The following SPEF2 variants were observed in gnomAD, a reference collection of about 807,000 sequenced individuals.
SPEF2 encodes the protein sperm flagella and cilia-associated protein 2.
A neutral mutation model predicts 224.6 loss-of-function variants in SPEF2; 187 were observed. That is an observed-to-expected ratio of 0.83 (90% confidence interval 0.74 to 0.94). SPEF2 has a LOEUF of 0.94. Among genes scored for constraint, SPEF2 ranks in the 40% least tolerant of loss-of-function variants. SPEF2 has a pLI of 0.00. For missense variants in SPEF2, 2,170 were observed against 2,135.6 expected (o/e 1.02, Z -0.32); for synonymous variants, 715 against 707.3 (o/e 1.01, Z -0.17).
chr5:35,716,248 G>A lies in SPEF2; in HGVS notation c.2914+3362G>A, dbSNP rs139454070. On this transcript the variant is annotated intron_variant, in intron 20 of 36. Transcript: ENST00000356031. ...TTGTATAACTAGAGCTAATTGGTGA[G>A]TTAACACTGAGATAAAAGTTTTAGT... is the stretch of plus-strand genomic sequence containing the variant. Among the ~76,000 whole-genome samples the A allele has an allele frequency of 2.3e-3, 344 of 152,082 alleles. 6 individuals are homozygous for A. Among genetic ancestry groups the A allele is most frequent in the Admixed American group, 0.02 (307 of 15,272 alleles).
chr5:35,747,646 CA>C (rs1429832437), intron 23 of SPEF2, among the ~76,000 whole-genome samples: 1 of 152,084 alleles, frequency 6.6e-6, no homozygotes, highest in Non-Finnish European at 1.5e-5. Context: ...CAATCCTAAA[CA>C]TATATGCACC....
At chr5:35,624,477 A>G (rs1743950962) in intron 1 of SPEF2, among the ~76,000 whole-genome samples, 1 of 152,192 alleles carries the variant, frequency 6.6e-6, no homozygotes, top group Non-Finnish European at 1.5e-5. Context: ...GGTGTCCTGA[A>G]ATTAGTCATA....
rs1755802997 is a variant in SPEF2 at position 35,790,529 on chromosome 5, TAC to T, written c.4448-1809_4448-1808del. ...AAAGGCATTTGGCTTCTTCCAAACATACAGAGTAAAAAGCCCAAGATTGTTTC... is the reference window on the plus strand; with the variant it reads ...AAAGGCATTTGGCTTCTTCCAAACATAGAGTAAAAAGCCCAAGATTGTTTC... On this transcript the variant is annotated intron_variant, in intron 30 of 36. Coordinates refer to ENST00000356031, the MANE Select transcript of SPEF2 (RefSeq NM_024867.4). 11 of 412,354 alleles carry T rather than the reference TAC, an allele frequency of 2.7e-5. No individual in the cohort carries two copies. The East Asian group carries it at 3.9e-4, about 15-fold the overall frequency. The allele number at this position is 412,354 out of a possible 1,614,324, so 25.5% of individuals were successfully genotyped here. A position where few individuals can be genotyped will look rare whatever the true frequency, so the allele number is the denominator to read the frequency against.
chr5:35,777,499 T>G (rs928119810), intron 29 of SPEF2, among the ~76,000 whole-genome samples: 34 of 152,206 alleles, frequency 2.2e-4, no homozygotes, highest in African/African-American at 7.9e-4. Flanking sequence ...ATCTTCTTCA[T>G]TTTTGGGACT....
chr5:35,788,594 G>C (rs1755511545), intron 30 of SPEF2: 1 of 702,788 alleles, frequency 1.4e-6, no homozygotes, highest in Non-Finnish European at 2.6e-6. Flanking sequence ...AATAAAAAAT[G>C]CCATTGAGAA....
intron 30 of SPEF2, chr5:35,788,018 A>C (rs1435365390): frequency 1.4e-6 from 1 of 699,338 alleles, no homozygotes. Context: ...ATTAAATCTT[A>C]TGTTCTGCGC....
intron 24 of SPEF2, among the ~76,000 whole-genome samples, chr5:35,754,602 G>A (rs572179466): frequency 9.2e-5 from 14 of 152,094 alleles, no homozygotes; most frequent in Non-Finnish European, 1.9e-4. Flanking sequence ...ATGGTTTTTA[G>A]GTCCTTGAGA....
chr5:35,773,698 G>A (rs1303745726), intron 27 of SPEF2, among the ~76,000 whole-genome samples, 195 bp from the exon 28 acceptor site: 1 of 152,066 alleles, frequency 6.6e-6, no homozygotes, highest in African/African-American at 2.4e-5. Context: ...GTCCAGCCCA[G>A]GAACCATACA....
intron 10 of SPEF2, among the ~76,000 whole-genome samples, chr5:35,673,582 A>C (rs997985949): frequency 2.0e-5 from 3 of 152,154 alleles, no homozygotes; most frequent in African/African-American, 4.8e-5. Context: ...TTATACTTGG[A>C]ATTTCTATAA....
At chr5:35,679,638 G>A (rs1752507486) in intron 10 of SPEF2, among the ~76,000 whole-genome samples, 1 of 152,166 alleles carries the variant, frequency 6.6e-6, no homozygotes, top group Non-Finnish European at 1.5e-5. Flanking sequence ...AATTAACCAG[G>A]TCACAAACAG....
At chr5:35,800,754 G>C (rs1455135612) in intron 34 of SPEF2, among the ~76,000 whole-genome samples, 1 of 152,092 alleles carries the variant, frequency 6.6e-6, no homozygotes, top group East Asian at 1.9e-4. Flanking sequence ...ATTTGTTCTT[G>C]GCATGGCTTT....
chr5:35,667,244 GA>G lies in SPEF2; in HGVS notation c.1342del (p.Met448CysfsTer2). On this transcript the variant is annotated frameshift_variant, in exon 9 of 37. Coordinates refer to ENST00000356031, the MANE Select transcript of SPEF2 (RefSeq NM_024867.4). LOFTEE classifies it high-confidence loss of function. Reference protein sequence around the residue: ...VDLSTKVADYRMLTNNLIPYK... With the variant: ...VDLSTKVADYXMLTNNLIPYK... ...TTGTCCACTAAAGTGGCAGACTATC[GA>G]ATGTTGACAAATAAGTAAGTATTTT... is the stretch of plus-strand genomic sequence containing the variant. 6.3e-7 allele frequency: 1 copy of G among 1,597,336 alleles called. No individual in the cohort carries two copies. The highest frequency in any genetic ancestry group is 8.5e-7 in the Non-Finnish European group (1 of 1,170,718).
chr5:35,766,557 G>A (rs2149768930), intron 26 of SPEF2, among the ~76,000 whole-genome samples: 1 of 151,768 alleles, frequency 6.6e-6, no homozygotes, highest in African/African-American at 2.4e-5. Context: ...TTTTAAATCA[G>A]CTTAGCCAGA....
chr5:35,739,692 T>C (rs554780977), intron 21 of SPEF2, among the ~76,000 whole-genome samples: 12 of 152,262 alleles, frequency 7.9e-5, no homozygotes, highest in Admixed American at 7.2e-4. Flanking sequence ...CCGCCCCCAA[T>C]TTCTGGAATA....
intron 30 of SPEF2, among the ~76,000 whole-genome samples, chr5:35,782,530 G>C (rs1754485773): frequency 6.6e-6 from 1 of 152,070 alleles, no homozygotes; most frequent in South Asian, 2.1e-4. Flanking sequence ...TTTTTTAGCA[G>C]ATTTATAAAA....
At chr5:35,789,011 A>G (rs1265338007) in intron 30 of SPEF2, 3 of 695,538 alleles carry the variant, frequency 4.3e-6, no homozygotes, top group African/African-American at 1.8e-5. Context: ...ATATCCTGCA[A>G]TTGTTCGGCA....
At chr5:35,811,117 T>TA (rs1424102507) in intron 36 of SPEF2, among the ~76,000 whole-genome samples, 1 of 151,080 alleles carries the variant, frequency 6.6e-6, no homozygotes, top group African/African-American at 2.4e-5. Flanking sequence ...AATAATAAAA[T>TA]AAAAACAAAA....
chr5:35,714,841 A>C (rs372024746), intron 20 of SPEF2, among the ~76,000 whole-genome samples: 1 of 140,164 alleles, frequency 7.1e-6, no homozygotes, highest in African/African-American at 2.6e-5. Context: ...ATGCGACACT[A>C]TCTCTAAAAT....
At chr5:35,799,253 T>C (rs1205310813) in intron 33 of SPEF2, among the ~76,000 whole-genome samples, 1 of 152,244 alleles carries the variant, frequency 6.6e-6, no homozygotes, top group Non-Finnish European at 1.5e-5. Context: ...GGGCTGCTTA[T>C]GTGCCTGGGT....
Sources: allele counts gnomAD v4.1 joint callset (sites outside exome capture counted in the v4.1 genomes callset), GRCh38; gene constraint gnomAD v4.1.1; transcripts MANE v1.5; gene names NCBI Gene and HGNC (gene_info 2026-07-23, HGNC 2026-07-21).